The following HSPH1 variants were observed in gnomAD, a reference collection of about 807,000 sequenced individuals.
HSPH1 encodes heat shock protein family H (Hsp110) member 1.
HSPH1 carries 40 observed loss-of-function variants against 100.0 expected under a neutral mutation model. The ratio of observed to expected loss-of-function variants is 0.40; its 90% CI spans 0.31 to 0.52. The LOEUF is 0.52. HSPH1 is among the 20% of genes least tolerant of loss of function. The pLI is 0.54. For synonymous variants in HSPH1, 403 were observed against 344.0 expected, an observed-to-expected ratio of 1.17 and a Z score of -1.90; for missense variants, 876 against 1,015.1, an observed-to-expected ratio of 0.86 and a Z score of 1.86.
At chr13:31,140,895 A>AT (rs1956065418) in intron 13 of HSPH1, 1 of 347,888 alleles carries the variant, frequency 2.9e-6, no homozygotes, top group African/African-American at 2.1e-5. Flanking sequence ...TTGCCATCCA[A>AT]TTTTTTCACA....
At chr13:31,152,041 T>C (rs4943157) in intron 5 of HSPH1, 84,447 of 222,478 alleles carry the variant, frequency 0.38, 17,816 homozygotes, top group Non-Finnish European at 0.47. Flanking sequence ...AGACTCATTA[T>C]GCAATACTTA....
At chr13:31,160,753 CG>C in intron 1 of HSPH1, among the ~76,000 whole-genome samples, 1 of 152,128 alleles carries the variant, frequency 6.6e-6, no homozygotes, top group South Asian at 2.1e-4. Flanking sequence ...TTTAAAAATA[CG>C]GTTTACAATT....
Position 31,152,955 on chromosome 13 carries a change from C to T in HSPH1, c.430-4G>A. ...CATCTGTAAAGAAGGAGGGGACCTA[C>T]AAACAAACAAAAAATTTTGAATTAT... On this transcript the variant is annotated splice_polypyrimidine_tract_variant and splice_region_variant and intron_variant, in intron 4 of 17. Coordinates refer to ENST00000320027, the MANE Select transcript of HSPH1 (RefSeq NM_006644.4). The T allele has an allele frequency of 6.3e-7, 1 of 1,594,716 alleles. No individual in the cohort carries two copies. Among genetic ancestry groups the T allele is most frequent in the Non-Finnish European group, 8.6e-7 (1 of 1,164,322 alleles).
chr13:31,140,970 A>G, intron 13 of HSPH1, 152 bp downstream of exon 13: 1 of 471,562 alleles, frequency 2.1e-6, no homozygotes, highest in Non-Finnish European at 3.6e-6. Flanking sequence ...TTAAACTGCA[A>G]AATTCGTTAG....
At chr13:31,138,366 G>C in intron 17 of HSPH1, 41 bp downstream of exon 17, 1 of 1,590,892 alleles carries the variant, frequency 6.3e-7, no homozygotes, top group Non-Finnish European at 8.6e-7. Context: ...ACTTGAGTCC[G>C]TAAGTGAACC....
chr13:31,148,418 A>G lies in HSPH1; in HGVS notation c.1200T>C (p.Phe400=). ...REFSVTDAVP[F]PISLIWNHDS... is the part of the protein sequence containing the mutation. ...CATGGTTCCAGATCAGAGATATTGG[A>G]AAAGGAACTGCATCTGTGACGGAAA... is the stretch of plus-strand genomic sequence containing the variant. Residue 400 remains phenylalanine, a synonymous_variant, in exon 9 of 18, where the codon TTT becomes TTC. Transcript: ENST00000320027. 6.3e-7 allele frequency: 1 copy of G among 1,588,516 alleles called. No individual in the cohort carries two copies. The highest frequency in any genetic ancestry group is 8.6e-7 in the Non-Finnish European group (1 of 1,168,822).
Position 31,138,789 on chromosome 13 carries a change from T to C in HSPH1, c.2200A>G (p.Arg734Gly). 1 of 1,605,274 alleles carries C rather than the reference T, an allele frequency of 6.2e-7. No individual in the cohort carries two copies. Among genetic ancestry groups the C allele is most frequent in the Non-Finnish European group, 8.5e-7 (1 of 1,177,664 alleles). Residue 734 changes from arginine (R) to glycine (G), a missense_variant, in exon 16 of 18, where the codon AGA becomes GGA. By Grantham distance (125) the Arg-to-Gly change is moderately radical (BLOSUM62 -2). Coordinates refer to ENST00000320027, the MANE Select transcript of HSPH1 (RefSeq NM_006644.4). ...QHYAKIAADF[R>G]NKDEKYNHID... The stretch of plus-strand genomic sequence containing the variant: ...CAAAAAGACTGACTCACCTTATTTC[T>C]GAAGTCAGCTGCTATCTTGGCATAA...
At chr13:31,149,911 TTTA>T (rs1956420145) in intron 8 of HSPH1, 40 bp downstream of exon 8, 1 of 1,493,848 alleles carries the variant, frequency 6.7e-7, no homozygotes, top group Non-Finnish European at 9.3e-7. Flanking sequence ...GTGGAAACTG[TTTA>T]AAGACTGTAC....
In HSPH1 at chr13:31,139,117, A is replaced by G. The variant is rs1377494616; in HGVS notation, c.1981-10T>C. 6.6e-7 allele frequency: 1 copy of G among 1,508,998 alleles called. No individual in the cohort carries two copies. The highest frequency in any genetic ancestry group is 1.4e-5 in the African/African-American group (1 of 72,826). 93.5% of individuals were successfully genotyped at this position (1,508,998 alleles called of 1,614,324 possible). On this transcript the variant is annotated splice_polypyrimidine_tract_variant and intron_variant, in intron 14 of 17. Transcript: ENST00000320027. ...AAAAATTTTGATGATCCTTAACACA[A>G]AATATGACAATATTAGTGGCACTCG...
At chr13:31,157,261 G>A (rs900007554) in intron 2 of HSPH1, among the ~76,000 whole-genome samples, 2 of 152,182 alleles carry the variant, frequency 1.3e-5, no homozygotes, top group Non-Finnish European at 2.9e-5. Flanking sequence ...TTTAGGTCTA[G>A]GCTATCAATA....
At chr13:31,143,308 A>G (rs144596965) in intron 12 of HSPH1, among the ~76,000 whole-genome samples, 1 of 152,142 alleles carries the variant, frequency 6.6e-6, no homozygotes, top group African/African-American at 2.4e-5. Context: ...GGACAAAAAA[A>G]TAATTACCTT....
At chr13:31,144,259 G>C (rs1956196059) in intron 11 of HSPH1, among the ~76,000 whole-genome samples, 1 of 152,132 alleles carries the variant, frequency 6.6e-6, no homozygotes, top group Non-Finnish European at 1.5e-5. Context: ...ACTGGAAATA[G>C]ATTACTCCAG....
chr13:31,147,711 CAT>C (rs1468928738), intron 10 of HSPH1, among the ~76,000 whole-genome samples: 9 of 152,102 alleles, frequency 5.9e-5, no homozygotes, highest in Admixed American at 4.6e-4. Context: ...TACACACACA[CAT>C]ACTTTTAAGT....
At chr13:31,140,499 G>T in intron 13 of HSPH1, 190 bp from the exon 14 acceptor site, 1 of 357,268 alleles carries the variant, frequency 2.8e-6, no homozygotes, top group East Asian at 4.2e-5. Flanking sequence ...TACTCAGGCT[G>T]AAGTTTGATT....
chr13:31,142,807 T>C (rs977024675), intron 12 of HSPH1, among the ~76,000 whole-genome samples: 6 of 152,084 alleles, frequency 3.9e-5, no homozygotes, highest in African/African-American at 1.4e-4. Flanking sequence ...CAAGAGTTGA[T>C]GTGTATGCTC....
Position 31,151,216 on chromosome 13 carries a change from G to A in HSPH1, c.664-25C>T, listed in dbSNP as rs146149182. ...CCTAATTTGGTTGAAACAACAAATA[G>A]TCTGGTTATTTTCAATCACATTTGT... On this transcript the variant is annotated intron_variant, in intron 6 of 17. Transcript: ENST00000320027. 3.8e-6 allele frequency: 6 copies of A among 1,559,450 alleles called. No homozygotes were observed. The East Asian group carries it at 9.0e-5, about 23-fold the overall frequency.
In HSPH1 at chr13:31,153,058, G is replaced by A. The variant is rs189524809; in HGVS notation, c.430-107C>T. The A allele has an allele frequency of 1.0e-4, 72 of 706,774 alleles. No individual in the cohort carries two copies. The Middle Eastern group carries it at 1.4e-3, about 14-fold the overall frequency. 43.8% of individuals were successfully genotyped at this position (706,774 alleles called of 1,614,324 possible). Reference sequence around the variant, plus strand: ...AACAGTCCAGCTAAGTAGGTGCCTCGCCAAGTCACAAAACAGAAATAGGGC... The same window carrying A: ...AACAGTCCAGCTAAGTAGGTGCCTCACCAAGTCACAAAACAGAAATAGGGC... On this transcript the variant is annotated intron_variant, in intron 4 of 17. Transcript: ENST00000320027.
At chr13:31,139,229 C>T (rs568436129) in intron 14 of HSPH1, 122 bp from the exon 15 acceptor site, 1 of 665,680 alleles carries the variant, frequency 1.5e-6, no homozygotes, top group Non-Finnish European at 2.7e-6. Flanking sequence ...GATTTGGCTT[C>T]TCTGCCTTGT....
intron 2 of HSPH1, among the ~76,000 whole-genome samples, chr13:31,158,332 C>T (rs144321642): frequency 1.2e-4 from 18 of 152,164 alleles, no homozygotes; most frequent in Admixed American, 8.5e-4. Flanking sequence ...AGATGGATCA[C>T]GAGCTCAGGA....
Sources: allele counts gnomAD v4.1 joint callset (sites outside exome capture counted in the v4.1 genomes callset), GRCh38; gene constraint gnomAD v4.1.1; transcripts MANE v1.5; gene names NCBI Gene and HGNC (gene_info 2026-07-23, HGNC 2026-07-21).